TNFAIP8L3: variants seen among roughly 807,000 people sequenced by gnomAD.
The protein encoded by TNFAIP8L3 is tumor necrosis factor alpha-induced protein 8-like protein 3.
In TNFAIP8L3, 7 loss-of-function variants were observed where a neutral mutation model predicts 11.8. The observed-to-expected ratio is 0.59, with a 90% CI of 0.34 to 1.11. The LOEUF (loss-of-function observed/expected upper bound fraction) is 1.11, where lower values mean the gene tolerates loss of function less well. Among genes scored for constraint, TNFAIP8L3 ranks in the 50% most tolerant of loss-of-function variants. TNFAIP8L3 has a pLI of 0.03. For missense variants in TNFAIP8L3, 219 were observed against 258.6 expected (o/e 0.85, Z 1.05); for synonymous variants, 98 against 103.8 (o/e 0.94, Z 0.34).
chr15:51,068,909 G>A (rs573504962), intron 1 of TNFAIP8L3, among the ~76,000 whole-genome samples: 25 of 151,982 alleles, frequency 1.6e-4, no homozygotes, highest in Admixed American at 5.9e-4. Context: ...CTCATGATCC[G>A]CCCCCTCGGC....
At chr15:51,073,274 G>A (rs2065325176) in intron 1 of TNFAIP8L3, among the ~76,000 whole-genome samples, 1 of 152,116 alleles carries the variant, frequency 6.6e-6, no homozygotes, top group African/African-American at 2.4e-5. Flanking sequence ...GGGACTATAG[G>A]CGTGAGCCAC....
intron 1 of TNFAIP8L3, among the ~76,000 whole-genome samples, chr15:51,083,013 A>G (rs930298140): frequency 2.0e-5 from 3 of 152,236 alleles, no homozygotes; most frequent in South Asian, 2.1e-4. Flanking sequence ...GGGAATACCA[A>G]CTATTAAGGG....
rs761418747 is a variant in TNFAIP8L3, at chr15:51,094,564, C to A, written c.32G>T (p.Gly11Val). ...GGTACCTGCGGCGGTCACGGGCTCGCCCTCGCTCTGCTCCCCGGAATCCGA... is the reference window on the plus strand; with the variant it reads ...GGTACCTGCGGCGGTCACGGGCTCGACCTCGCTCTGCTCCCCGGAATCCGA... MDSDSGEQSEGEPVTAAGPDV... is the reference protein window; with the variant it reads MDSDSGEQSEVEPVTAAGPDV... The change falls in exon 1 of 2, where the codon GGC (glycine) becomes GTC (valine). Residue 11 changes from glycine (G) to valine (V), a missense_variant. Physicochemically the swap from Gly to Val is moderately radical, Grantham distance 109. Coordinates refer to ENST00000637513, the MANE Select transcript of TNFAIP8L3 (RefSeq NM_001311175.2). The surrounding 1 kb of genome is among the most constrained non-coding windows in gnomAD (Gnocchi z 4.4). The A allele has an allele frequency of 1.4e-5, 21 of 1,503,436 alleles. No individual in the cohort carries two copies. Among genetic ancestry groups the A allele is most frequent in the Non-Finnish European group, 1.6e-5 (18 of 1,131,026 alleles). The allele number at this position is 1,503,436 out of a possible 1,614,324, so 93.1% of individuals were successfully genotyped here.
intron 1 of TNFAIP8L3, among the ~76,000 whole-genome samples, chr15:51,072,135 C>T (rs998082316): frequency 1.3e-5 from 2 of 150,672 alleles, no homozygotes; most frequent in Non-Finnish European, 3.0e-5. Flanking sequence ...TGTCTTTAAT[C>T]ATACAGAAAG....
chr15:51,094,900 G>A lies in TNFAIP8L3; in HGVS notation c.-305C>T, dbSNP rs182535819. On this transcript the variant is annotated 5_prime_UTR_variant, in exon 1 of 2. It adds an upstream start codon to the 5' untranslated region. Coordinates refer to ENST00000637513, the MANE Select transcript of TNFAIP8L3 (RefSeq NM_001311175.2). The surrounding 1 kb of genome is among the most constrained non-coding windows in gnomAD (Gnocchi z 4.4). Reference sequence around the variant, plus strand: ...GGCGCGAGCGCCGAGGAGCCCGAGCGTCCGGCGCCCGGCGGGCTCCAGGCT... The same window carrying A: ...GGCGCGAGCGCCGAGGAGCCCGAGCATCCGGCGCCCGGCGGGCTCCAGGCT... Among the ~76,000 whole-genome samples, 2,138 of 151,532 alleles carry A rather than the reference G, an allele frequency of 0.014. 43 individuals are homozygous for A. Among genetic ancestry groups the A allele is most frequent in the Non-Finnish European group, 0.017 (1,178 of 67,796 alleles).
At chr15:51,090,887 C>G (rs1322346980) in intron 1 of TNFAIP8L3, among the ~76,000 whole-genome samples, 3 of 152,142 alleles carry the variant, frequency 2.0e-5, no homozygotes, top group Non-Finnish European at 4.4e-5. Context: ...AGGAGCTTAT[C>G]TGCCCTCAGC....
At chr15:51,100,585 G>A (rs2065543812) in intron 1 of TNFAIP8L3, among the ~76,000 whole-genome samples, 1 of 152,168 alleles carries the variant, frequency 6.6e-6, no homozygotes, top group African/African-American at 2.4e-5. Flanking sequence ...GCTACAATAA[G>A]GGCAGGAATA....
chr15:51,063,027 C>T (rs556793918), intron 1 of TNFAIP8L3, among the ~76,000 whole-genome samples: 1 of 152,172 alleles, frequency 6.6e-6, no homozygotes, highest in African/African-American at 2.4e-5. Flanking sequence ...AGGAATGTGT[C>T]CTGTAGAAGC....
Position 51,076,748 on chromosome 15 carries a change from T to TGCCCC in TNFAIP8L3, c.52+17791_52+17795dup, listed in dbSNP as rs538616701. On this transcript the variant is annotated intron_variant, in intron 1 of 1. Transcript: ENST00000637513. ...CAGAGCCCGGCCTCCAGCCCTGCCC[T>TGCCCC]GCCCCTGCCACCCCCAGCGCACTCA... Among the ~76,000 whole-genome samples the TGCCCC allele has an allele frequency of 2.9e-4, 44 of 152,264 alleles. No homozygotes were observed. In the South Asian group the frequency reaches 8.3e-3, roughly 29 times the overall value.
intron 1 of TNFAIP8L3, among the ~76,000 whole-genome samples, chr15:51,083,742 T>G (rs1023701767): frequency 4.0e-5 from 6 of 151,568 alleles, no homozygotes; most frequent in Admixed American, 3.9e-4. Context: ...GTGATGGGGG[T>G]GGAGGCACCA....
intron 1 of TNFAIP8L3, among the ~76,000 whole-genome samples, chr15:51,089,028 G>A (rs2065448551): frequency 6.6e-6 from 1 of 152,196 alleles, no homozygotes; most frequent in Non-Finnish European, 1.5e-5. Context: ...GAGTTCCCAT[G>A]GGCTCAACTG....
At chr15:51,103,773 C>T (rs564741915) in intron 1 of TNFAIP8L3, among the ~76,000 whole-genome samples, 223 of 152,338 alleles carry the variant, frequency 1.5e-3, no homozygotes, top group African/African-American at 5.1e-3. Context: ...GGTTCATCCT[C>T]CACATTCCTG....
chr15:51,096,512 A>T (rs1195645959), upstream of TNFAIP8L3, among the ~76,000 whole-genome samples: 1 of 152,240 alleles, frequency 6.6e-6, no homozygotes, highest in African/African-American at 2.4e-5. Context: ...TGAATGTTTG[A>T]TAACTGGAAA....
Position 51,094,656 on chromosome 15 carries a change from C to A in TNFAIP8L3, c.-61G>T. ...GCCCGTCTGCGGGGCGCTCGGGCAG[C>A]CGCGGCGCACTCAGGGCGGACAGCG... is the stretch of plus-strand genomic sequence containing the variant. On this transcript the variant is annotated 5_prime_UTR_variant, in exon 1 of 2. Transcript: ENST00000637513. The surrounding 1 kb of genome is among the most constrained non-coding windows in gnomAD (Gnocchi z 4.4). The A allele has an allele frequency of 3.7e-6, 5 of 1,349,124 alleles. No homozygotes were observed. In the South Asian group the frequency reaches 7.3e-5, roughly 20 times the overall value. 83.6% of individuals were successfully genotyped at this position (1,349,124 alleles called of 1,614,324 possible). A position where few individuals can be genotyped will look rare whatever the true frequency, so the allele number is the denominator to read the frequency against.
At chr15:51,058,909 A>G (rs1271028912) in intron 1 of TNFAIP8L3, among the ~76,000 whole-genome samples, 1 of 152,242 alleles carries the variant, frequency 6.6e-6, no homozygotes, top group Non-Finnish European at 1.5e-5. Flanking sequence ...TGATCATGAC[A>G]GTCATTTTGA....
rs748605732 is a variant in TNFAIP8L3, at chr15:51,057,917, T to A, written c.579A>T (p.Glu193Asp). Residue 193 changes from glutamate to aspartate, a missense_variant, in exon 2 of 2, where the codon GAA becomes GAT. Glu to Asp is a conservative substitution (Grantham distance 45). Coordinates refer to ENST00000637513, the MANE Select transcript of TNFAIP8L3 (RefSeq NM_001311175.2). ...DCRPNLKRICEGINKLLDEKV... is the reference protein window; with the variant it reads ...DCRPNLKRICDGINKLLDEKV... ...TCTCATCTAGCAACTTATTGATTCC[T>A]TCACAAATCCTCTTGAGGTTGGGCC... 1.3e-6 allele frequency: 2 copies of A among 1,595,224 alleles called. No homozygotes were observed. Among genetic ancestry groups the A allele is most frequent in the Non-Finnish European group, 1.7e-6 (2 of 1,172,258 alleles).
chr15:51,085,063 C>T (rs1006586051), intron 1 of TNFAIP8L3, among the ~76,000 whole-genome samples: 3 of 152,096 alleles, frequency 2.0e-5, no homozygotes, highest in Non-Finnish European at 4.4e-5. Flanking sequence ...CTGCTGTGGG[C>T]TCTCTAAAAG....
upstream of TNFAIP8L3, among the ~76,000 whole-genome samples, chr15:51,099,445 G>A (rs1025149346): frequency 6.6e-6 from 1 of 152,128 alleles, no homozygotes; most frequent in African/African-American, 2.4e-5. Flanking sequence ...AATTGAGAAG[G>A]AGAAAGGGAG....
chr15:51,082,544 AC>A (rs2065399723), intron 1 of TNFAIP8L3, among the ~76,000 whole-genome samples: 1 of 152,194 alleles, frequency 6.6e-6, no homozygotes, highest in African/African-American at 2.4e-5. Context: ...CTTATAAAAA[AC>A]ATTTTTCTTT....
Sources: gnomAD v4.1 joint callset for allele counts (sites outside exome capture counted in the v4.1 genomes callset) on GRCh38, gnomAD v4.1.1 for gene constraint, Gnocchi (gnomAD v3.1) non-coding constraint, MANE v1.5 for transcripts, NCBI Gene and HGNC (gene_info 2026-07-23, HGNC 2026-07-21) for gene names.